Variants in ROBO2 observed in about 807,000 individuals in gnomAD.
The protein encoded by ROBO2 is roundabout homolog 2.
In ROBO2, 53 loss-of-function variants were observed where a neutral mutation model predicts 160.8. The observed-to-expected ratio is 0.33, with a 90% CI of 0.26 to 0.41. ROBO2 has a LOEUF of 0.41. Among genes scored for constraint, ROBO2 ranks in the 10% least tolerant of loss-of-function variants. The probability of loss-of-function intolerance (pLI) is 1.00; values close to 1 mark genes in which losing one functional copy is unlikely to be tolerated. For missense variants in ROBO2, 1,577 were observed against 1,722.4 expected (o/e 0.92, Z 1.49); for synonymous variants, 664 against 611.7 (o/e 1.09, Z -1.26).
At chr3:77,057,795 TC>T (rs2149739881) in intron 1 of ROBO2, among the ~76,000 whole-genome samples, 1 of 152,106 alleles carries the variant, frequency 6.6e-6, no homozygotes, top group Non-Finnish European at 1.5e-5. Flanking sequence ...GGTCTCGATC[TC>T]CTGACCTCGT....
At chr3:77,588,777 G>A in exon 17 of ROBO2, 1 of 1,613,336 alleles carries the variant, frequency 6.2e-7, no homozygotes, top group Non-Finnish European at 8.5e-7. Flanking sequence ...TGTCATTACT[G>A]AAAACAATAA....
chr3:76,188,685 T>C (rs1701872001), intron 2 of ROBO2, among the ~76,000 whole-genome samples: 1 of 152,084 alleles, frequency 6.6e-6, no homozygotes. Context: ...TAGATTACCT[T>C]TTATGATTTA....
chr3:77,204,967 G>T (rs531799831), intron 2 of ROBO2, among the ~76,000 whole-genome samples: 3 of 152,222 alleles, frequency 2.0e-5, no homozygotes. Context: ...TCAGACCCCT[G>T]ACGGGAGGGG....
chr3:76,286,636 G>A (rs1254469332), intron 2 of ROBO2, among the ~76,000 whole-genome samples: 1 of 152,148 alleles, frequency 6.6e-6, no homozygotes, highest in Non-Finnish European at 1.5e-5. Flanking sequence ...GGAGGAGAGT[G>A]AATGGTCGAG....
intron 2 of ROBO2, among the ~76,000 whole-genome samples, chr3:76,885,474 T>C (rs1250574307): frequency 6.6e-6 from 1 of 152,212 alleles, no homozygotes; most frequent in Admixed American, 6.5e-5. Context: ...AAAGCTGTTA[T>C]ACGTTTTATC....
At chr3:76,366,384 C>A (rs1261639004) in intron 2 of ROBO2, among the ~76,000 whole-genome samples, 1 of 151,936 alleles carries the variant, frequency 6.6e-6, no homozygotes, top group Non-Finnish European at 1.5e-5. Flanking sequence ...AGGTTAAATA[C>A]TTCAGATTTT....
chr3:76,216,208 G>A (rs1458589302), intron 2 of ROBO2, among the ~76,000 whole-genome samples: 1 of 152,152 alleles, frequency 6.6e-6, no homozygotes. Flanking sequence ...ACAAAAACAT[G>A]CCAAATTGTA....
At chr3:77,511,367 T>G (rs944695315) in intron 5 of ROBO2, among the ~76,000 whole-genome samples, 1 of 151,910 alleles carries the variant, frequency 6.6e-6, no homozygotes, top group African/African-American at 2.4e-5. Flanking sequence ...TGAAGTTTGG[T>G]TTCATTGCCC....
chr3:76,790,443 A>G (rs987148306), intron 2 of ROBO2, among the ~76,000 whole-genome samples: 1 of 151,728 alleles, frequency 6.6e-6, no homozygotes. Context: ...TAATTGAACT[A>G]CAGATGCTTC....
intron 1 of ROBO2, among the ~76,000 whole-genome samples, chr3:75,926,879 C>G (rs1427666970): frequency 6.6e-6 from 1 of 152,200 alleles, no homozygotes; most frequent in East Asian, 1.9e-4. Context: ...CATATACACA[C>G]TTTTAATAGT....
chr3:75,928,861 CGTGTG>C (rs1947398419), intron 1 of ROBO2, among the ~76,000 whole-genome samples: 1 of 109,020 alleles, frequency 9.2e-6, no homozygotes, highest in African/African-American at 3.8e-5. Context: ...CTGGATAAGA[CGTGTG>C]TGTGTGTGTG....
Position 76,799,648 on chromosome 3 carries a change from C to A in ROBO2, c.110-298366C>A, listed in dbSNP as rs140297877. Among the ~76,000 whole-genome samples, 215 of 151,588 alleles carry A rather than the reference C, an allele frequency of 1.4e-3. 1 individual carries two copies. The highest frequency in any genetic ancestry group is 5.1e-3 in the African/African-American group (210 of 41,350). On this transcript the variant is annotated intron_variant, in intron 2 of 26. Transcript: ENST00000487694. The stretch of plus-strand genomic sequence containing the variant: ...AATAGCTACAAAGAAAACAAAATAC[C>A]CAGGAATAAAGCCAAAGAAATAAAA...
intron 5 of ROBO2, among the ~76,000 whole-genome samples, chr3:77,498,317 A>G (rs1254682322): frequency 6.6e-6 from 1 of 152,204 alleles, no homozygotes. Context: ...AAAATATGCC[A>G]TTTACATTTT....
chr3:76,242,611 C>T (rs1225010319), intron 2 of ROBO2, among the ~76,000 whole-genome samples: 2 of 152,110 alleles, frequency 1.3e-5, no homozygotes, highest in Non-Finnish European at 2.9e-5. Flanking sequence ...CTAGGCAGGG[C>T]GTGGTGGCTC....
At chr3:76,850,599 C>T (rs1226433917) in intron 2 of ROBO2, among the ~76,000 whole-genome samples, 5 of 152,078 alleles carry the variant, frequency 3.3e-5, no homozygotes, top group Non-Finnish European at 5.9e-5. Context: ...GTACGGGGCT[C>T]GATGATGCTC....
rs369687757 is a variant in ROBO2, at chr3:76,499,766, A to G, written c.109+562164A>G. On this transcript the variant is annotated intron_variant, in intron 2 of 26. Coordinates refer to the ROBO2 transcript ENST00000487694. ...ACATTAAAACTATATCAATGGAGAG[A>G]AACAACTTCCTAAAATCTATGTCAT... 2.6e-4 allele frequency among the ~76,000 whole-genome samples: 40 copies of G among 152,342 alleles called. 1 individual carries two copies. Among genetic ancestry groups the G allele is most frequent in the South Asian group, 2.3e-3 (11 of 4,828 alleles).
intron 2 of ROBO2, among the ~76,000 whole-genome samples, chr3:76,606,259 T>C (rs926688024): frequency 3.9e-5 from 6 of 152,052 alleles, no homozygotes; most frequent in East Asian, 1.9e-4. Context: ...TCAGTGTAGA[T>C]TGTAGATTGG....
At chr3:76,910,465 C>T (rs3884410) in intron 2 of ROBO2, among the ~76,000 whole-genome samples, 61,541 of 151,718 alleles carry the variant, frequency 0.41, 12,801 homozygotes, top group Middle Eastern at 0.49. Context: ...TGGTGGCTCA[C>T]GCCTGTAATC....
intron 2 of ROBO2, among the ~76,000 whole-genome samples, chr3:76,775,657 T>C (rs1329398978): frequency 6.6e-6 from 1 of 150,658 alleles, no homozygotes; most frequent in Non-Finnish European, 1.5e-5. Flanking sequence ...ATTCTGTCCA[T>C]AGCATTAACA....
Sources: gnomAD v4.1 joint callset for allele counts (sites outside exome capture counted in the v4.1 genomes callset) on GRCh38, gnomAD v4.1.1 for gene constraint, MANE v1.5 for transcripts, NCBI Gene and HGNC (gene_info 2026-07-23, HGNC 2026-07-21) for gene names.